Variants in CDC14A observed in about 807,000 individuals in gnomAD.
CDC14A encodes the protein dual specificity protein phosphatase CDC14A.
A neutral mutation model predicts 74.4 loss-of-function variants in CDC14A; 53 were observed. The ratio of observed to expected loss-of-function variants is 0.71; its 90% CI spans 0.57 to 0.89. CDC14A has a LOEUF of 0.89. Ranked by LOEUF, CDC14A falls within the 40% of genes least tolerant of loss-of-function variation. The probability of loss-of-function intolerance (pLI) is 0.00; values close to 1 mark genes in which losing one functional copy is unlikely to be tolerated. For synonymous variants in CDC14A, 247 were observed against 258.4 expected (o/e 0.96, Z 0.43); for missense variants, 646 against 713.7 (o/e 0.91, Z 1.08).
At chr1:100,407,862 T>C (rs762495678) in intron 4 of CDC14A, among the ~76,000 whole-genome samples, 31 of 152,330 alleles carry the variant, frequency 2.0e-4, no homozygotes, top group Non-Finnish European at 4.1e-4. Flanking sequence ...TTGTACATAT[T>C]CATGGGATAC....
At chr1:100,369,990 A>AT (rs1328239262) in intron 2 of CDC14A, among the ~76,000 whole-genome samples, 3 of 150,982 alleles carry the variant, frequency 2.0e-5, no homozygotes, top group East Asian at 1.9e-4. Context: ...AAAAAAAAAA[A>AT]TTTTTTTTTT....
chr1:100,462,973 C>G (rs967464039), intron 9 of CDC14A, 92 bp downstream of exon 9: 7 of 865,382 alleles, frequency 8.1e-6, no homozygotes, highest in Admixed American at 2.6e-5. Context: ...TGTTTAGTGT[C>G]TTAGAAAAAC....
chr1:100,505,879 C>T (rs573481041), intron 15 of CDC14A, among the ~76,000 whole-genome samples: 17 of 152,214 alleles, frequency 1.1e-4, no homozygotes, highest in Admixed American at 3.9e-4. Flanking sequence ...TTGCGTGAGT[C>T]CTCAGGAAGC....
At chr1:100,422,849 A>G (rs1647406151) in intron 4 of CDC14A, among the ~76,000 whole-genome samples, 1 of 152,184 alleles carries the variant, frequency 6.6e-6, no homozygotes, top group South Asian at 2.1e-4. Flanking sequence ...GTCCTGAAAT[A>G]TTAATAAGTA....
intron 7 of CDC14A, among the ~76,000 whole-genome samples, chr1:100,448,546 A>C (rs898625696): frequency 2.0e-5 from 3 of 152,194 alleles, no homozygotes; most frequent in African/African-American, 7.2e-5. Flanking sequence ...AGAAAATGAT[A>C]ATATTTGCTC....
At chr1:100,373,050 C>G (rs537298704) in intron 2 of CDC14A, among the ~76,000 whole-genome samples, 3 of 152,346 alleles carry the variant, frequency 2.0e-5, no homozygotes, top group African/African-American at 4.8e-5. Context: ...TTTGCATTCA[C>G]AGTTGGCTGT....
intron 15 of CDC14A, chr1:100,504,846 C>T: frequency 6.5e-7 from 1 of 1,535,754 alleles, no homozygotes; most frequent in Non-Finnish European, 8.7e-7. Flanking sequence ...TTAGGAAGCC[C>T]TTTCTTGGAA....
intron 5 of CDC14A, among the ~76,000 whole-genome samples, chr1:100,430,476 A>G (rs1663523249): frequency 6.6e-6 from 1 of 152,186 alleles, no homozygotes; most frequent in Non-Finnish European, 1.5e-5. Flanking sequence ...CTTAATGGGA[A>G]ATCTCAAAAG....
chr1:100,380,943 A>G (rs1310359020), intron 3 of CDC14A, among the ~76,000 whole-genome samples: 1 of 152,194 alleles, frequency 6.6e-6, no homozygotes, highest in African/African-American at 2.4e-5. Context: ...TTTAGGAAGC[A>G]TCTTCTTGTC....
At chr1:100,379,523 G>A (rs1655791965) in intron 3 of CDC14A, among the ~76,000 whole-genome samples, 1 of 152,194 alleles carries the variant, frequency 6.6e-6, no homozygotes, top group African/African-American at 2.4e-5. Context: ...AGGAGAAAAA[G>A]ATTTACTGTA....
chr1:100,453,634 T>C (rs1250062572), intron 7 of CDC14A, among the ~76,000 whole-genome samples: 1 of 152,066 alleles, frequency 6.6e-6, no homozygotes, highest in Non-Finnish European at 1.5e-5. Context: ...TTAGGGCATT[T>C]TGGATATTTT....
chr1:100,431,770 A>G (rs931549692), intron 5 of CDC14A, among the ~76,000 whole-genome samples: 2 of 151,826 alleles, frequency 1.3e-5, no homozygotes, highest in African/African-American at 4.8e-5. Flanking sequence ...GGATTGCTTG[A>G]GCCCAGCAGT....
At chr1:100,358,466 A>G (rs1156527201) in intron 2 of CDC14A, among the ~76,000 whole-genome samples, 1 of 152,158 alleles carries the variant, frequency 6.6e-6, no homozygotes, top group Non-Finnish European at 1.5e-5. Context: ...TAGGGTCTTC[A>G]TTTTCAGCCT....
Position 100,468,030 on chromosome 1 carries a change from A to G in CDC14A, c.913A>G (p.Ile305Val), listed in dbSNP as rs1204243477. The G allele has an allele frequency of 1.2e-6, 2 of 1,613,368 alleles. No homozygotes were observed. The highest frequency in any genetic ancestry group is 3.3e-5 in the Admixed American group (2 of 59,872). The change falls in exon 10 of 16, where the codon ATT becomes GTT. Residue 305 changes from isoleucine (I) to valine (V), a missense_variant. By Grantham distance (29) the Ile-to-Val change is conservative. Coordinates refer to ENST00000336454, the MANE Select transcript of CDC14A (RefSeq NM_003672.4). The part of the protein sequence containing the change: ...KHYRFTHAEI[I>V]AWIRICRPGS... ...CTACAGGTTTACACATGCTGAAATA[A>G]TTGCTTGGATTAGAATATGCCGGCC...
At chr1:100,468,355 T>G (rs192445953) in intron 10 of CDC14A, among the ~76,000 whole-genome samples, 48 of 152,352 alleles carry the variant, frequency 3.2e-4, no homozygotes, top group Admixed American at 3.1e-3. Flanking sequence ...ATTTTCTATG[T>G]GTGATCTGGC....
At chr1:100,388,531 A>G (rs1220018558) in intron 3 of CDC14A, among the ~76,000 whole-genome samples, 1 of 152,228 alleles carries the variant, frequency 6.6e-6, no homozygotes, top group Non-Finnish European at 1.5e-5. Context: ...GAGTATTTGT[A>G]TAAACCTGTC....
chr1:100,422,092 G>T (rs935473282), intron 4 of CDC14A, among the ~76,000 whole-genome samples: 1 of 152,100 alleles, frequency 6.6e-6, no homozygotes, highest in Non-Finnish European at 1.5e-5. Context: ...GGCCTCTGTT[G>T]GGTTTCACTT....
At chr1:100,437,654 C>T (rs1480743349) in intron 5 of CDC14A, among the ~76,000 whole-genome samples, 2 of 152,118 alleles carry the variant, frequency 1.3e-5, no homozygotes, top group African/African-American at 2.4e-5. Flanking sequence ...ATTTGACCAC[C>T]GGGTCACCAG....
intron 3 of CDC14A, among the ~76,000 whole-genome samples, chr1:100,385,353 A>G (rs897228751): frequency 1.4e-4 from 21 of 152,238 alleles, no homozygotes; most frequent in African/African-American, 4.8e-4. Flanking sequence ...CTACTGAATC[A>G]GAAATTCTGG....
Sources: gnomAD v4.1 joint callset for allele counts (sites outside exome capture counted in the v4.1 genomes callset) on GRCh38, gnomAD v4.1.1 for gene constraint, MANE v1.5 for transcripts, NCBI Gene and HGNC (gene_info 2026-07-23, HGNC 2026-07-21) for gene names.